The following VPS53 variants were observed in gnomAD, a reference collection of about 807,000 sequenced individuals.
VPS53 encodes the protein vacuolar protein sorting-associated protein 53 homolog.
A neutral mutation model predicts 107.0 loss-of-function variants in VPS53; 70 were observed. That is an observed-to-expected ratio of 0.65 (90% CI 0.54 to 0.80). The LOEUF is 0.80. Ranked by LOEUF, VPS53 falls within the 30% of genes least tolerant of loss-of-function variation. The pLI is 0.00. For missense variants in VPS53, 917 were observed against 1,049.4 expected, an observed-to-expected ratio of 0.87 and a Z score of 1.74; for synonymous variants, 409 against 393.3, an observed-to-expected ratio of 1.04 and a Z score of -0.47.
chr17:644,355 G>A (rs547587772), intron 7 of VPS53, among the ~76,000 whole-genome samples: 18 of 152,226 alleles, frequency 1.2e-4, no homozygotes, highest in African/African-American at 4.3e-4. Context: ...TGCAGAGGGT[G>A]GTAACCCGCC....
intron 4 of VPS53, among the ~76,000 whole-genome samples, chr17:679,910 G>A (rs1364438534): frequency 6.6e-6 from 1 of 152,206 alleles, no homozygotes; most frequent in African/African-American, 2.4e-5. Context: ...CACTTTGGGA[G>A]GCCGAGGCAG....
chr17:699,495 A>C, intron 2 of VPS53, 115 bp from the exon 3 acceptor site: 2 of 791,612 alleles, frequency 2.5e-6, no homozygotes, highest in Non-Finnish European at 3.7e-6. Context: ...ATTTAATCAC[A>C]TGATATGAGT....
chr17:544,264 G>A (rs1172715891), intron 17 of VPS53, among the ~76,000 whole-genome samples: 2 of 152,280 alleles, frequency 1.3e-5, no homozygotes, highest in East Asian at 3.9e-4. Flanking sequence ...ACACTCGTGT[G>A]GACCCACCAG....
chr17:584,380 G>A (rs1187646677), intron 13 of VPS53, among the ~76,000 whole-genome samples: 1 of 152,194 alleles, frequency 6.6e-6, no homozygotes, highest in Non-Finnish European at 1.5e-5. Flanking sequence ...ACTGGAGCAC[G>A]AACACAGTCT....
At position 579,532 on chromosome 17, in the gene VPS53, C is replaced by T. The variant is rs144498733; in HGVS notation, c.1313+6738G>A. Among the ~76,000 whole-genome samples, 927 of 150,114 alleles carry T rather than the reference C, an allele frequency of 6.2e-3. 10 individuals carry two copies. The highest frequency in any genetic ancestry group is 0.022 in the African/African-American group (879 of 40,724). On this transcript the variant is annotated intron_variant, in intron 13 of 21. Transcript: ENST00000437048. Reference sequence around the variant, plus strand: ...CTCCCTCACAATCTCAGTGCATTCCCAGAGAACTTCCCTCAGGACCTCAAT... The same window carrying T: ...CTCCCTCACAATCTCAGTGCATTCCTAGAGAACTTCCCTCAGGACCTCAAT...
intron 7 of VPS53, chr17:632,657 G>C (rs1012092389): frequency 4.4e-6 from 2 of 451,710 alleles, no homozygotes; most frequent in African/African-American, 4.0e-5. Context: ...GTTACTCCCC[G>C]CCTCCCTGCT....
In VPS53 at chr17:653,552, G is replaced by T. The variant is rs1018531517; in HGVS notation, c.489-142C>A. 1.1e-5 allele frequency: 14 copies of T among 1,323,206 alleles called. 1 individual carries two copies. The highest frequency in any genetic ancestry group is 1.5e-5 in the African/African-American group (1 of 67,522). The allele number at this position is 1,323,206 out of a possible 1,614,324, so 82.0% of individuals were successfully genotyped here. On this transcript the variant is annotated intron_variant, in intron 6 of 21. Coordinates refer to ENST00000437048, the MANE Select transcript of VPS53 (RefSeq NM_001128159.3). ...CTGAGCACTGAGTATATAAGCTGCT[G>T]TGCGTTGTGGGAGGAAAAAACAGGA...
rs1198353559 is a variant in VPS53, at chr17:521,593, G to C, written c.2223+8C>G. ...AAATAACTGGCCCCTTTTAACACAA[G>C]CCATCACCTTGAGGATCATCTCAGC... On this transcript the variant is annotated splice_region_variant and intron_variant, in intron 20 of 21. Transcript: ENST00000437048. 1 of 1,524,832 alleles carries C rather than the reference G, an allele frequency of 6.6e-7. No individual in the cohort carries two copies. The highest frequency in any genetic ancestry group is 2.1e-5 in the Admixed American group (1 of 47,378). The allele number at this position is 1,524,832 out of a possible 1,614,324, so 94.5% of individuals were successfully genotyped here.
At chr17:584,537 CTTTTT>C (rs1967215874) in intron 13 of VPS53, among the ~76,000 whole-genome samples, 1 of 152,086 alleles carries the variant, frequency 6.6e-6, no homozygotes, top group Non-Finnish European at 1.5e-5. Context: ...CTTTTCTTTT[CTTTTT>C]TTCTTTTGAG....
Position 548,540 on chromosome 17 carries a change from C to T in VPS53, c.1866+3332G>A, listed in dbSNP as rs12941571. Among the ~76,000 whole-genome samples the T allele has an allele frequency of 6.1e-3, 351 of 57,214 alleles. 12 individuals carry two copies. The highest frequency in any genetic ancestry group is 0.012 in the East Asian group (31 of 2,554). 37.5% of individuals were successfully genotyped at this position (57,214 alleles called of 152,430 possible). ...CAACAGTCCTTCTGGAATCATCCAA[C>T]GACTACACTCCACTTTGGCCAGCCA... On this transcript the variant is annotated intron_variant, in intron 17 of 21. Coordinates refer to ENST00000437048, the MANE Select transcript of VPS53 (RefSeq NM_001128159.3).
intron 9 of VPS53, among the ~76,000 whole-genome samples, chr17:627,542 C>T (rs921746481): frequency 1.3e-5 from 2 of 152,104 alleles, no homozygotes; most frequent in African/African-American, 2.4e-5. Flanking sequence ...CTTTGGGAGG[C>T]CGAGGTCAGC....
chr17:623,795 G>A, intron 10 of VPS53, 121 bp from the exon 11 acceptor site: 1 of 1,105,248 alleles, frequency 9.0e-7, no homozygotes. Flanking sequence ...TTCAAACCCT[G>A]AGGTCTGTTA....
chr17:571,179 G>C (rs535048532), intron 13 of VPS53, among the ~76,000 whole-genome samples: 49 of 147,296 alleles, frequency 3.3e-4, no homozygotes, highest in African/African-American at 1.2e-3. Flanking sequence ...TGATGTGATG[G>C]CCTGTGCCTG....
At chr17:655,104 T>C (rs983649629) in intron 6 of VPS53, among the ~76,000 whole-genome samples, 5 of 152,138 alleles carry the variant, frequency 3.3e-5, no homozygotes, top group African/African-American at 1.2e-4. Flanking sequence ...GACGATGCGC[T>C]TTCCCTGTCC....
At chr17:585,916 A>C (rs1967285914) in intron 13 of VPS53, among the ~76,000 whole-genome samples, 1 of 152,208 alleles carries the variant, frequency 6.6e-6, no homozygotes, top group Non-Finnish European at 1.5e-5. Flanking sequence ...AGGATAAATT[A>C]TACTTGAAAA....
intron 5 of VPS53, among the ~76,000 whole-genome samples, chr17:659,757 T>A (rs1429850266): frequency 3.2e-4 from 49 of 151,022 alleles, no homozygotes; most frequent in Admixed American, 3.2e-3. Context: ...TCTCTCTATG[T>A]CCTAAATATT....
intron 11 of VPS53, among the ~76,000 whole-genome samples, chr17:606,843 A>G (rs998249902): frequency 1.3e-5 from 2 of 151,944 alleles, no homozygotes; most frequent in African/African-American, 4.8e-5. Flanking sequence ...TCTCGAAACC[A>G]TCCCCTACCC....
intron 1 of VPS53, among the ~76,000 whole-genome samples, chr17:713,482 G>C (rs1190996260): frequency 1.3e-5 from 2 of 148,646 alleles, no homozygotes; most frequent in African/African-American, 5.0e-5. Flanking sequence ...GTGAAACCCG[G>C]TCTCTACTAA....
intron 7 of VPS53, among the ~76,000 whole-genome samples, chr17:636,040 T>C (rs2143238553): frequency 6.6e-6 from 1 of 152,356 alleles, no homozygotes; most frequent in South Asian, 2.1e-4. Context: ...CATGGAATGT[T>C]CTTCCATTTG....
Sources: gnomAD v4.1 joint callset for allele counts (sites outside exome capture counted in the v4.1 genomes callset) on GRCh38, gnomAD v4.1.1 for gene constraint, MANE v1.5 for transcripts, NCBI Gene and HGNC (gene_info 2026-07-23, HGNC 2026-07-21) for gene names.